Variants in ADAMTS12 observed in about 807,000 individuals in gnomAD.
ADAMTS12 encodes the protein ADAM metallopeptidase with thrombospondin type 1 motif 12, also known as A disintegrin and metalloproteinase with thrombospondin motifs 12.
In ADAMTS12, 118 loss-of-function variants were observed where a neutral mutation model predicts 167.8. The observed-to-expected ratio is 0.70, with a 90% CI of 0.61 to 0.82. The LOEUF (loss-of-function observed/expected upper bound fraction) is 0.82. Ranked by LOEUF, ADAMTS12 falls within the 40% of genes least tolerant of loss-of-function variation. The probability of loss-of-function intolerance (pLI) is 0.00; values close to 1 mark genes in which losing one functional copy is unlikely to be tolerated. For synonymous variants in ADAMTS12, 704 were observed against 716.9 expected, an observed-to-expected ratio of 0.98 and a Z score of 0.29; for missense variants, 1,916 against 1,998.8, an observed-to-expected ratio of 0.96 and a Z score of 0.79.
At chr5:33,592,266 C>CA (rs368903016) in intron 17 of ADAMTS12, among the ~76,000 whole-genome samples, 1 of 149,412 alleles carries the variant, frequency 6.7e-6, no homozygotes, top group South Asian at 2.1e-4. Context: ...AACAAAAAAA[C>CA]AAAAAACAAA....
At chr5:33,830,686 G>A (rs1371446417) in intron 2 of ADAMTS12, among the ~76,000 whole-genome samples, 2 of 152,066 alleles carry the variant, frequency 1.3e-5, no homozygotes, top group Admixed American at 6.5e-5. Context: ...CAGCTACTTG[G>A]GAGGCTGAGA....
intron 18 of ADAMTS12, among the ~76,000 whole-genome samples, chr5:33,578,580 C>T (rs1297824613): frequency 6.6e-6 from 1 of 152,076 alleles, no homozygotes; most frequent in Non-Finnish European, 1.5e-5. Context: ...AATTAAGTGA[C>T]TCTTTTACCT....
chr5:33,840,103 C>T (rs1404700972), intron 2 of ADAMTS12: 2 of 152,234 alleles, frequency 1.3e-5, no homozygotes, highest in African/African-American at 4.8e-5. Flanking sequence ...GACACCAAAT[C>T]TCCATGAAGG....
At chr5:33,769,754 G>C (rs573818799) in intron 2 of ADAMTS12, among the ~76,000 whole-genome samples, 1 of 152,270 alleles carries the variant, frequency 6.6e-6, no homozygotes, top group African/African-American at 2.4e-5. Context: ...AAAGGAATCT[G>C]GTCAAGCAAT....
chr5:33,786,543 G>T (rs112042759), intron 2 of ADAMTS12, among the ~76,000 whole-genome samples: 1,859 of 151,998 alleles, frequency 0.012, 39 homozygotes, highest in African/African-American at 0.043. Flanking sequence ...TTATCAGGAG[G>T]CTGTACGTAC....
At chr5:33,724,541 G>C (rs2112341012) in intron 3 of ADAMTS12, among the ~76,000 whole-genome samples, 1 of 149,102 alleles carries the variant, frequency 6.7e-6, no homozygotes, top group Non-Finnish European at 1.5e-5. Flanking sequence ...AAGGCTAACA[G>C]CTTCTTTTTT....
Position 33,537,316 on chromosome 5 carries a change from T to C in ADAMTS12, c.4447-2324A>G, listed in dbSNP as rs547344148. On this transcript the variant is annotated intron_variant, in intron 22 of 23. Coordinates refer to ENST00000504830, the MANE Select transcript of ADAMTS12 (RefSeq NM_030955.4). ...AGAAAAAATGACCTTGAAGTATGGT[T>C]TCCTTGGAAACTAGAGAGTTAAGGT... 2.0e-5 allele frequency among the ~76,000 whole-genome samples: 3 copies of C among 152,340 alleles called. No individual in the cohort carries two copies. The East Asian group carries it at 5.8e-4, about 29-fold the overall frequency.
chr5:33,652,971 G>A (rs1341995971), intron 7 of ADAMTS12, among the ~76,000 whole-genome samples: 1 of 151,926 alleles, frequency 6.6e-6, no homozygotes, highest in African/African-American at 2.4e-5. Context: ...TTGCAAACAG[G>A]GATAGTTTTG....
At chr5:33,752,712 G>C (rs539146490) in intron 2 of ADAMTS12, among the ~76,000 whole-genome samples, 1 of 152,224 alleles carries the variant, frequency 6.6e-6, no homozygotes, top group Non-Finnish European at 1.5e-5. Flanking sequence ...AAACATGGGG[G>C]GCTTAGGGAA....
chr5:33,668,337 A>G (rs1741545206), intron 5 of ADAMTS12, among the ~76,000 whole-genome samples: 4 of 152,156 alleles, frequency 2.6e-5, no homozygotes, highest in Admixed American at 1.3e-4. Flanking sequence ...TTTCTACTGA[A>G]TGCATATAAT....
chr5:33,531,976 A>T (rs149300485), intron 23 of ADAMTS12, among the ~76,000 whole-genome samples: 1 of 152,212 alleles, frequency 6.6e-6, no homozygotes, highest in Non-Finnish European at 1.5e-5. Context: ...GACAGGGCTC[A>T]ATTACATCAG....
intron 3 of ADAMTS12, among the ~76,000 whole-genome samples, chr5:33,699,784 C>T (rs1034016498): frequency 1.3e-5 from 2 of 152,064 alleles, no homozygotes; most frequent in African/African-American, 4.8e-5. Flanking sequence ...GACAAACTAC[C>T]TATCGGGAGA....
At chr5:33,747,749 A>G (rs1164888412) in intron 3 of ADAMTS12, among the ~76,000 whole-genome samples, 1 of 152,186 alleles carries the variant, frequency 6.6e-6, no homozygotes, top group African/African-American at 2.4e-5. Flanking sequence ...TAGCAACCCA[A>G]TATTGAGTAG....
At chr5:33,683,202 C>T (rs554937956) in intron 4 of ADAMTS12, 101 bp from the exon 5 acceptor site, 8 of 877,300 alleles carry the variant, frequency 9.1e-6, no homozygotes, top group Non-Finnish European at 1.7e-6. Context: ...TAAAGGTTTT[C>T]TTATAGGTCA....
At chr5:33,533,975 A>G (rs1744246906) in intron 23 of ADAMTS12, among the ~76,000 whole-genome samples, 1 of 152,192 alleles carries the variant, frequency 6.6e-6, no homozygotes, top group Non-Finnish European at 1.5e-5. Flanking sequence ...TTTTTCTTTT[A>G]ATGAGCTCCT....
At chr5:33,669,004 T>G (rs1741575932) in intron 5 of ADAMTS12, among the ~76,000 whole-genome samples, 1 of 152,142 alleles carries the variant, frequency 6.6e-6, no homozygotes, top group South Asian at 2.1e-4. Flanking sequence ...GTGTTCAGAC[T>G]AAAACAATAA....
intron 7 of ADAMTS12, among the ~76,000 whole-genome samples, chr5:33,653,246 T>C (rs1740932036): frequency 6.6e-6 from 1 of 152,136 alleles, no homozygotes; most frequent in Non-Finnish European, 1.5e-5. Context: ...GTCAAATGTT[T>C]TATCTACTAA....
intron 2 of ADAMTS12, among the ~76,000 whole-genome samples, chr5:33,862,924 A>T (rs766066325): frequency 5.9e-5 from 9 of 152,222 alleles, no homozygotes; most frequent in Admixed American, 1.3e-4. Context: ...TCACATAAAC[A>T]GAACCAACGA....
At position 33,576,834 on chromosome 5, in the gene ADAMTS12, C is replaced by T. The variant is rs143978641; in HGVS notation, c.3192G>A (p.Gly1064=). 1 of 1,614,192 alleles carries T rather than the reference C, an allele frequency of 6.2e-7. No individual in the cohort carries two copies. ...TTASKEGDLG[G]KQWQDSSTQP... ...GGGTTGAGCTATCTTGCCACTGTTT[C>T]CCACCCAGGTCTCCTTCTTTGGAGG... The change falls in exon 19 of 24, where the codon GGG becomes GGA. Residue 1064 remains glycine (G), a synonymous_variant. Coordinates refer to ENST00000504830, the MANE Select transcript of ADAMTS12 (RefSeq NM_030955.4).
Sources: allele counts gnomAD v4.1 joint callset (sites outside exome capture counted in the v4.1 genomes callset), GRCh38; gene constraint gnomAD v4.1.1; transcripts MANE v1.5; gene names NCBI Gene and HGNC (gene_info 2026-07-23, HGNC 2026-07-21).